The following KANSL1 variants were observed in gnomAD, a reference collection of about 807,000 sequenced individuals.
KANSL1 encodes KAT8 regulatory NSL complex subunit 1.
KANSL1 carries 22 observed loss-of-function variants against 103.6 expected under a neutral mutation model. The ratio of observed to expected loss-of-function variants is 0.21; its 90% CI spans 0.15 to 0.30. The LOEUF is 0.30. Ranked by LOEUF, KANSL1 falls within the 10% of genes least tolerant of loss-of-function variation. The probability of loss-of-function intolerance (pLI) is 1.00; values close to 1 mark genes in which losing one functional copy is unlikely to be tolerated. For missense variants in KANSL1, 1,337 were observed against 1,399.8 expected, an observed-to-expected ratio of 0.96 and a Z score of 0.72; for synonymous variants, 600 against 527.6, an observed-to-expected ratio of 1.14 and a Z score of -1.88.
intron 2 of KANSL1, among the ~76,000 whole-genome samples, chr17:46,111,677 A>G (rs1170954806): frequency 6.6e-6 from 1 of 152,268 alleles, no homozygotes; most frequent in Non-Finnish European, 1.5e-5. Flanking sequence ...CGTAATATGC[A>G]AAGATGACAT....
intron 2 of KANSL1, among the ~76,000 whole-genome samples, chr17:46,103,613 ATTTT>A (rs1309186711): frequency 6.6e-6 from 1 of 152,086 alleles, no homozygotes; most frequent in African/African-American, 2.4e-5. Context: ...GCTCCTCCTC[ATTTT>A]CTTTCCTCAC....
At chr17:46,119,219 G>C (rs2043173719) in intron 2 of KANSL1, among the ~76,000 whole-genome samples, 1 of 152,156 alleles carries the variant, frequency 6.6e-6, no homozygotes, top group Admixed American at 6.5e-5. Context: ...GAGAAAAAGA[G>C]GTCATTTGTC....
At chr17:46,031,933 CT>C in intron 14 of KANSL1, 113 bp downstream of exon 14, 3 of 1,457,464 alleles carry the variant, frequency 2.1e-6, no homozygotes, top group Non-Finnish European at 2.8e-6. Context: ...AAGTGCAGCC[CT>C]TTGTCCCTTC....
chr17:46,038,522 C>T lies in KANSL1; in HGVS notation c.2541+16G>A. The T allele has an allele frequency of 6.2e-7, 1 of 1,613,224 alleles. No homozygotes were observed. Among genetic ancestry groups the T allele is most frequent in the South Asian group, 1.1e-5 (1 of 90,972 alleles). ...CTGCAGAGGGGGTGTCCGGCCAACC[C>T]CACACAGGTACTTACCGATGTGCTG... On this transcript the variant is annotated intron_variant, in intron 10 of 14. Coordinates refer to ENST00000432791, the MANE Select transcript of KANSL1 (RefSeq NM_015443.4).
chr17:46,125,947 C>CT, intron 2 of KANSL1, among the ~76,000 whole-genome samples: 1 of 152,146 alleles, frequency 6.6e-6, no homozygotes, highest in South Asian at 2.1e-4. Flanking sequence ...TATATGAACT[C>CT]AATAAAGCAA....
At chr17:46,120,516 G>A (rs1598672185) in intron 2 of KANSL1, among the ~76,000 whole-genome samples, 1 of 152,246 alleles carries the variant, frequency 6.6e-6, no homozygotes, top group Non-Finnish European at 1.5e-5. Flanking sequence ...AAGTGGGAGC[G>A]AGGGGCAAGT....
intron 1 of KANSL1, among the ~76,000 whole-genome samples, chr17:46,217,919 A>G (rs1258186732): frequency 6.6e-6 from 1 of 152,174 alleles, no homozygotes; most frequent in Non-Finnish European, 1.5e-5. Flanking sequence ...CCAGCTACTT[A>G]GGAGGCTAAG....
chr17:46,143,988 T>G (rs538001597), intron 2 of KANSL1, among the ~76,000 whole-genome samples: 19 of 152,286 alleles, frequency 1.2e-4, no homozygotes, highest in African/African-American at 4.1e-4. Flanking sequence ...AAGGGAGTAT[T>G]TTCTACAGTG....
chr17:46,112,882 G>A (rs985752252), intron 2 of KANSL1, among the ~76,000 whole-genome samples: 1 of 151,908 alleles, frequency 6.6e-6, no homozygotes, highest in Admixed American at 6.6e-5. Context: ...CCATCACGCC[G>A]GGCTAATTTT....
chr17:46,131,386 G>C (rs1423692529), intron 2 of KANSL1, among the ~76,000 whole-genome samples: 1 of 152,188 alleles, frequency 6.6e-6, no homozygotes, highest in African/African-American at 2.4e-5. Context: ...TTAAAGTTCA[G>C]CTCACTGATT....
intron 2 of KANSL1, among the ~76,000 whole-genome samples, chr17:46,154,791 C>T (rs988444800): frequency 2.0e-5 from 3 of 152,162 alleles, no homozygotes; most frequent in African/African-American, 7.2e-5. Flanking sequence ...GCATAAGTAA[C>T]CCATATTATA....
intron 7 of KANSL1, chr17:46,049,952 G>A (rs540850689): frequency 1.4e-4 from 21 of 151,110 alleles, no homozygotes; most frequent in African/African-American, 4.4e-4. Context: ...GTCTTGCTCT[G>A]TTATCCAGGC....
intron 4 of KANSL1, among the ~76,000 whole-genome samples, chr17:46,080,656 G>A (rs1870297919): frequency 1.3e-5 from 2 of 152,056 alleles, no homozygotes; most frequent in Middle Eastern, 3.4e-3. Context: ...TATGCTCTGC[G>A]CCCATTCTAC....
At chr17:46,042,737 G>A (rs950437866) in intron 7 of KANSL1, 9 of 149,958 alleles carry the variant, frequency 6.0e-5, no homozygotes, top group Non-Finnish European at 1.3e-4. Flanking sequence ...TTATGCCTTC[G>A]AGGACTGAAT....
chr17:46,137,396 T>C lies in KANSL1; in HGVS notation c.1289+33459A>G, dbSNP rs570430607. 2.0e-5 allele frequency among the ~76,000 whole-genome samples: 3 copies of C among 152,370 alleles called. No individual in the cohort carries two copies. In the East Asian group the frequency reaches 5.8e-4, roughly 29 times the overall value. ...CTATTTCTGCCCCATATTTATCACA[T>C]ACAACTTACGTATGATTTAGTTAGC... On this transcript the variant is annotated intron_variant, in intron 2 of 14. Coordinates refer to ENST00000432791, the MANE Select transcript of KANSL1 (RefSeq NM_015443.4).
chr17:46,189,394 T>C (rs1163779022), intron 1 of KANSL1, among the ~76,000 whole-genome samples: 1 of 152,142 alleles, frequency 6.6e-6, no homozygotes, highest in Non-Finnish European at 1.5e-5. Flanking sequence ...TAAAACTATA[T>C]ACATCTATCT....
At chr17:46,208,392 G>A (rs1049641655) in intron 1 of KANSL1, among the ~76,000 whole-genome samples, 2 of 151,828 alleles carry the variant, frequency 1.3e-5, no homozygotes, top group South Asian at 2.1e-4. Flanking sequence ...CCACAGCATC[G>A]CTTGAGCTCA....
chr17:46,033,008 A>C, intron 13 of KANSL1, 72 bp downstream of exon 13: 2 of 1,181,710 alleles, frequency 1.7e-6, no homozygotes, highest in Non-Finnish European at 2.4e-6. Flanking sequence ...AATTCCATGG[A>C]CTCAAGTAGG....
rs749487108 is a variant in KANSL1 at position 46,171,887 on chromosome 17, T to C, written c.257A>G (p.Asp86Gly). The C allele has an allele frequency of 2.5e-6, 4 of 1,614,150 alleles. No homozygotes were observed. The East Asian group carries it at 6.7e-5, about 27-fold the overall frequency. The change falls in exon 2 of 15, where the codon GAT becomes GGT. Residue 86 changes from aspartate (D) to glycine (G), a missense_variant. Asp to Gly is a moderately conservative substitution (Grantham distance 94). Around this residue, in one of 2 missense-constraint regions of KANSL1, gnomAD observed 557 missense variants for 476.4 expected, o/e 1.17. Coordinates refer to ENST00000432791, the MANE Select transcript of KANSL1 (RefSeq NM_015443.4). ...CTCCTTTGAGGGAACAGATGTTACATCAGAGCAGAGATAAGATGCCACCAG... is the reference window on the plus strand; with the variant it reads ...CTCCTTTGAGGGAACAGATGTTACACCAGAGCAGAGATAAGATGCCACCAG... ...QPLVASYLCS[D>G]VTSVPSKESL...
Sources: gnomAD v4.1 joint callset for allele counts (sites outside exome capture counted in the v4.1 genomes callset) on GRCh38, gnomAD v4.1.1 for gene constraint, gnomAD v4.1.1 regional missense constraint, MANE v1.5 for transcripts, NCBI Gene and HGNC (gene_info 2026-07-23, HGNC 2026-07-21) for gene names.